Variants in INTS6 observed in about 807,000 individuals in gnomAD.
The protein encoded by INTS6 is integrator complex subunit 6, also known as DEAD box protein.
INTS6 carries 16 observed loss-of-function variants against 104.9 expected under a neutral mutation model. The ratio of observed to expected loss-of-function variants is 0.15; its 90% CI spans 0.10 to 0.23. The LOEUF (loss-of-function observed/expected upper bound fraction) is 0.23, where lower values mean the gene tolerates loss of function less well. Ranked by LOEUF, INTS6 falls within the 10% of genes least tolerant of loss-of-function variation. INTS6 has a pLI of 1.00. For synonymous variants in INTS6, 324 were observed against 358.7 expected (o/e 0.90, Z 1.09); for missense variants, 584 against 1,062.8 (o/e 0.55, Z 6.26).
At chr13:51,378,813 T>C (rs1203852590) in intron 11 of INTS6, among the ~76,000 whole-genome samples, 1 of 152,092 alleles carries the variant, frequency 6.6e-6, no homozygotes, top group Non-Finnish European at 1.5e-5. Flanking sequence ...AAAATCATCA[T>C]TATGTAAGAC....
At position 51,368,925 on chromosome 13, in the gene INTS6, C is replaced by A. The variant is rs1955745368; in HGVS notation, c.2476+14G>T. On this transcript the variant is annotated intron_variant, in intron 16 of 17. Transcript: ENST00000311234. Reference sequence around the variant, plus strand: ...CAGAAATCAGATCTGAGGTTCGTCTCTTATTATACATACTTCTTCCTGGCT... The same window carrying A: ...CAGAAATCAGATCTGAGGTTCGTCTATTATTATACATACTTCTTCCTGGCT... 10 of 1,558,182 alleles carry A rather than the reference C, an allele frequency of 6.4e-6. No individual in the cohort carries two copies. In the South Asian group the frequency reaches 1.2e-4, roughly 19 times the overall value.
At chr13:51,347,269 G>A in the INTS6 span, 3 of 1,588,508 alleles carry the variant, frequency 1.9e-6, no homozygotes, top group Non-Finnish European at 2.6e-6. Flanking sequence ...TCTAAAGGGA[G>A]AGGAAGCCTG....
chr13:51,352,978 G>C (rs1263563112), downstream of INTS6, among the ~76,000 whole-genome samples: 2 of 152,040 alleles, frequency 1.3e-5, no homozygotes, highest in South Asian at 4.1e-4. Flanking sequence ...AGATTTATAT[G>C]GTATTGGATT....
chr13:51,395,475 T>C lies in INTS6; in HGVS notation c.438A>G (p.Leu146=), dbSNP rs771415652. 5.6e-6 allele frequency: 9 copies of C among 1,607,502 alleles called. No individual in the cohort carries two copies. The South Asian group carries it at 1.0e-4, about 18-fold the overall frequency. The change falls in exon 5 of 18, where the codon TTA becomes TTG. Residue 146 remains leucine (L), a synonymous_variant. Coordinates refer to ENST00000311234, the MANE Select transcript of INTS6 (RefSeq NM_012141.3). The part of the protein sequence containing the change: ...TTSGVQDELH[L]PLNSPLPGSE... ...TTCCAGGCAAAGGAGAATTAAGAGG[T>C]AAATGAAGCTGAAAGTAGGGGGGAA...
chr13:51,342,178 C>CAA, the INTS6 span, among the ~76,000 whole-genome samples: 2,305 of 62,872 alleles, frequency 0.037, 46 homozygotes, highest in African/African-American at 0.086. Context: ...AAAGACAGAA[C>CAA]AAAAAAAAAA....
intron 17 of INTS6, among the ~76,000 whole-genome samples, chr13:51,366,392 C>A (rs1300026354): frequency 6.6e-6 from 1 of 151,966 alleles, no homozygotes; most frequent in South Asian, 2.1e-4. Context: ...CAGAGTATAG[C>A]AAGCAGTTAA....
At position 51,452,304 on chromosome 13, in the gene INTS6, G is replaced by C; in HGVS notation, c.111+111C>G. The C allele has an allele frequency of 9.0e-7, 1 of 1,107,478 alleles. No homozygotes were observed. The allele number at this position is 1,107,478 out of a possible 1,614,324, so 68.6% of individuals were successfully genotyped here. A position where few individuals can be genotyped will look rare whatever the true frequency, so the allele number is the denominator to read the frequency against. ...GGTGGGGGAGGGGGTCCCCGAGCCCGGCAGCTCCCGCAGTCAGGTCCCCGA... is the reference window on the plus strand; with the variant it reads ...GGTGGGGGAGGGGGTCCCCGAGCCCCGCAGCTCCCGCAGTCAGGTCCCCGA... On this transcript the variant is annotated intron_variant, in intron 1 of 17. Coordinates refer to ENST00000311234, the MANE Select transcript of INTS6 (RefSeq NM_012141.3). The surrounding 1 kb of genome is among the most constrained non-coding windows in gnomAD (Gnocchi z 4.2).
At chr13:51,361,352 T>A, downstream of INTS6, 1 of 1,605,914 alleles carries the variant, frequency 6.2e-7, no homozygotes, top group Non-Finnish European at 8.5e-7. Context: ...CACCAAGGCA[T>A]CTGGAGCCAC....
At position 51,364,225 on chromosome 13, in the gene INTS6, C is replaced by T. The variant is rs932420402; in HGVS notation, c.*1527G>A. The T allele has an allele frequency of 8.0e-6, 11 of 1,374,698 alleles. No homozygotes were observed. Among genetic ancestry groups the T allele is most frequent in the Non-Finnish European group, 1.1e-5 (11 of 1,016,050 alleles). The allele number at this position is 1,374,698 out of a possible 1,614,324, so 85.2% of individuals were successfully genotyped here. The stretch of plus-strand genomic sequence containing the variant: ...AAATACTATATAATATTAAATTCTT[C>T]TTTTTCTTGACAGGGTTTGTCTTCA... On this transcript the variant is annotated 3_prime_UTR_variant, in exon 18 of 18. Coordinates refer to ENST00000311234, the MANE Select transcript of INTS6 (RefSeq NM_012141.3).
chr13:51,407,697 C>T (rs1190125974), intron 4 of INTS6, among the ~76,000 whole-genome samples: 2 of 152,066 alleles, frequency 1.3e-5, no homozygotes, highest in Non-Finnish European at 2.9e-5. Context: ...AAAAAGACTA[C>T]AAAACTAAGT....
intron 16 of INTS6, 70 bp downstream of exon 16, chr13:51,368,867 CTT>C: frequency 7.0e-7 from 1 of 1,431,890 alleles, no homozygotes; most frequent in Non-Finnish European, 9.4e-7. Flanking sequence ...AGTTACTTGA[CTT>C]TTTTTTTCTT....
At chr13:51,382,199 T>C in intron 9 of INTS6, 76 bp from the exon 10 acceptor site, 1 of 780,520 alleles carries the variant, frequency 1.3e-6, no homozygotes, top group East Asian at 3.2e-5. Context: ...AGACGTTTCC[T>C]TTTTAAAGTC....
At chr13:51,339,152 A>G in the INTS6 span, among the ~76,000 whole-genome samples, 3 of 152,348 alleles carry the variant, frequency 2.0e-5, no homozygotes, top group East Asian at 1.9e-4. Flanking sequence ...ACATATATAA[A>G]TTAGTGCATT....
chr13:51,399,548 G>A (rs192139822), intron 4 of INTS6, among the ~76,000 whole-genome samples: 11 of 152,282 alleles, frequency 7.2e-5, no homozygotes, highest in African/African-American at 2.6e-4. Context: ...TTGTGGAATT[G>A]CTGGATATGA....
chr13:51,421,142 T>G, intron 4 of INTS6: 1 of 985,812 alleles, frequency 1.0e-6, no homozygotes. Flanking sequence ...CCTTCCGAGA[T>G]GACTAGCATC....
intron 13 of INTS6, 54 bp downstream of exon 13, chr13:51,375,994 T>C: frequency 6.9e-7 from 1 of 1,452,538 alleles, no homozygotes; most frequent in Non-Finnish European, 9.3e-7. Flanking sequence ...CTATGCTTTT[T>C]CAGACTATAA....
rs539229432 is a variant in INTS6 at position 51,416,289 on chromosome 13, A to G, written c.429+14005T>C. Reference sequence around the variant, plus strand: ...TTCTATTTGTTTCATTCATCTATTTAAAGTGGCTGAACCAGGAAGTCAGAG... The same window carrying G: ...TTCTATTTGTTTCATTCATCTATTTGAAGTGGCTGAACCAGGAAGTCAGAG... On this transcript the variant is annotated intron_variant, in intron 4 of 17. Coordinates refer to ENST00000311234, the MANE Select transcript of INTS6 (RefSeq NM_012141.3). 2.0e-5 allele frequency among the ~76,000 whole-genome samples: 3 copies of G among 152,330 alleles called. No homozygotes were observed. The South Asian group carries it at 6.2e-4, about 32-fold the overall frequency.
chr13:51,449,461 G>C lies in INTS6; in HGVS notation c.339+1564C>G, dbSNP rs539607140. The C allele has an allele frequency of 1.3e-5, 13 of 984,784 alleles. No individual in the cohort carries two copies. The East Asian group carries it at 1.4e-3, about 103-fold the overall frequency. The allele number at this position is 984,784 out of a possible 1,614,324, so 61.0% of individuals were successfully genotyped here. A position where few individuals can be genotyped will look rare whatever the true frequency, so the allele number is the denominator to read the frequency against. ...AATGTCCTCAGCCTCTCCATGACAA[G>C]CAGTTTTTCGAAGGAAGCAATCTTT... On this transcript the variant is annotated intron_variant, in intron 3 of 17. Coordinates refer to ENST00000311234, the MANE Select transcript of INTS6 (RefSeq NM_012141.3).
Position 51,364,166 on chromosome 13 carries a change from T to C in INTS6, c.*1586A>G, listed in dbSNP as rs976309256. The C allele has an allele frequency of 1.0e-4, 71 of 695,844 alleles. No individual in the cohort carries two copies. The highest frequency in any genetic ancestry group is 1.5e-4 in the Non-Finnish European group (67 of 433,094). 43.1% of individuals were successfully genotyped at this position (695,844 alleles called of 1,614,324 possible). On this transcript the variant is annotated 3_prime_UTR_variant, in exon 18 of 18. Transcript: ENST00000311234. ...CTTGCATTACTTAAAAGTATTTGTATAGAAGTAAACAAAGCTTAAAGAACT... is the reference window on the plus strand; with the variant it reads ...CTTGCATTACTTAAAAGTATTTGTACAGAAGTAAACAAAGCTTAAAGAACT...
Sources: allele counts gnomAD v4.1 joint callset (sites outside exome capture counted in the v4.1 genomes callset), GRCh38; gene constraint gnomAD v4.1.1; non-coding constraint Gnocchi (gnomAD v3.1); transcripts MANE v1.5; gene names NCBI Gene and HGNC (gene_info 2026-07-23, HGNC 2026-07-21).